The following INTS4 variants were observed in gnomAD, a reference collection of about 807,000 sequenced individuals.
INTS4 encodes MSTP093.
INTS4 carries 70 observed loss-of-function variants against 119.5 expected under a neutral mutation model. The ratio of observed to expected loss-of-function variants is 0.59; its 90% CI spans 0.48 to 0.71. The LOEUF is 0.71. Ranked by LOEUF, INTS4 falls within the 30% of genes least tolerant of loss-of-function variation. The pLI, the probability that INTS4 is intolerant of heterozygous loss-of-function variation, is 0.00. For synonymous variants in INTS4, 316 were observed against 419.6 expected (o/e 0.75, Z 3.02); for missense variants, 867 against 1,173.2 (o/e 0.74, Z 3.81).
chr11:77,984,578 A>G (rs1856380106), intron 2 of INTS4, among the ~76,000 whole-genome samples: 1 of 152,004 alleles, frequency 6.6e-6, no homozygotes, highest in African/African-American at 2.4e-5. Flanking sequence ...TAATGGGGAA[A>G]GAGTTTCAGT....
At chr11:77,977,475 AAAAGGAGC>A (rs1855998409) in intron 4 of INTS4, among the ~76,000 whole-genome samples, 1 of 151,966 alleles carries the variant, frequency 6.6e-6, no homozygotes, top group African/African-American at 2.4e-5. Context: ...ATGTTAGCAA[AAAAGGAGC>A]AAAATTATAT....
intron 9 of INTS4, among the ~76,000 whole-genome samples, chr11:77,939,514 C>T (rs1392268970): frequency 6.6e-6 from 1 of 152,050 alleles, no homozygotes; most frequent in Non-Finnish European, 1.5e-5. Context: ...ATTTCAGCTA[C>T]AGTACAGTCA....
chr11:77,882,354 T>C (rs1047473246), intron 22 of INTS4, among the ~76,000 whole-genome samples: 28 of 151,884 alleles, frequency 1.8e-4, no homozygotes, highest in African/African-American at 6.8e-4. Flanking sequence ...AGCTGAGTTC[T>C]AACTCTGGCC....
rs73501867 is a variant in INTS4 at position 77,985,727 on chromosome 11, A to G, written c.247-4151T>C. Among the ~76,000 whole-genome samples, 275 of 152,358 alleles carry G rather than the reference A, an allele frequency of 1.8e-3. 2 individuals are homozygous for G. Among genetic ancestry groups the G allele is most frequent in the Middle Eastern group, 6.8e-3 (2 of 294 alleles). ...GTATTCAGACATGCTGAGCAAATGA[A>G]AAAATAAGCAAATGGAAAACTTTAG... On this transcript the variant is annotated intron_variant, in intron 2 of 22. Coordinates refer to ENST00000534064, the MANE Select transcript of INTS4 (RefSeq NM_033547.4).
rs1294914067 is a variant in INTS4 at position 77,883,941 on chromosome 11, T to C, written c.2604A>G (p.Pro868=). ...QNTVKVQVLY[P]DGQAQMIHPK... ...GGTGAATCATCTGAGCCTGGCCATC[T>C]GGATATAAGACCTAAAGGGTGACAG... Residue 868 remains proline (P), a synonymous_variant, in exon 22 of 23, where the codon CCA becomes CCG. Coordinates refer to ENST00000534064, the MANE Select transcript of INTS4 (RefSeq NM_033547.4). The C allele has an allele frequency of 6.2e-7, 1 of 1,613,136 alleles. No individual in the cohort carries two copies. The highest frequency in any genetic ancestry group is 8.5e-7 in the Non-Finnish European group (1 of 1,179,566).
At chr11:77,944,007 G>A (rs1248398280) in intron 8 of INTS4, among the ~76,000 whole-genome samples, 1 of 152,170 alleles carries the variant, frequency 6.6e-6, no homozygotes, top group Non-Finnish European at 1.5e-5. Flanking sequence ...TAAGGTCAAT[G>A]ACTTCTTAAG....
intron 15 of INTS4, chr11:77,911,107 T>C (rs575713172): frequency 1.1e-5 from 14 of 1,276,384 alleles, no homozygotes; most frequent in South Asian, 1.0e-4. Context: ...AACGTTACGA[T>C]AGTTAACGAT....
chr11:77,941,991 C>T (rs1291912247), intron 8 of INTS4, among the ~76,000 whole-genome samples: 3 of 152,202 alleles, frequency 2.0e-5, no homozygotes, highest in Non-Finnish European at 4.4e-5. Flanking sequence ...TAAATCCAGG[C>T]TCCAAAATCC....
At chr11:77,942,192 C>T (rs1953943646) in intron 8 of INTS4, among the ~76,000 whole-genome samples, 1 of 152,136 alleles carries the variant, frequency 6.6e-6, no homozygotes, top group South Asian at 2.1e-4. Flanking sequence ...GTAAGGGAAA[C>T]TGACAAGAAA....
chr11:77,956,119 C>G (rs1954314895), intron 7 of INTS4, 57 bp from the exon 8 acceptor site: 7 of 1,540,974 alleles, frequency 4.5e-6, no homozygotes, highest in Non-Finnish European at 6.1e-6. Context: ...CCTAAGTCTG[C>G]AGGCTCAGGC....
chr11:77,883,973 GA>G, intron 21 of INTS4, 21 bp from the exon 22 acceptor site: 3 of 1,608,838 alleles, frequency 1.9e-6, no homozygotes, highest in Non-Finnish European at 1.7e-6. Context: ...ACAGAAATGA[GA>G]AAAAGGCAGA....
At chr11:77,969,438 T>A (rs1435579537) in intron 4 of INTS4, among the ~76,000 whole-genome samples, 1 of 152,158 alleles carries the variant, frequency 6.6e-6, no homozygotes, top group Non-Finnish European at 1.5e-5. Flanking sequence ...TGGAACGCAG[T>A]GATGTCATCA....
At chr11:77,974,769 T>C (rs1855880186) in intron 4 of INTS4, among the ~76,000 whole-genome samples, 1 of 151,930 alleles carries the variant, frequency 6.6e-6, no homozygotes, top group South Asian at 2.1e-4. Context: ...CCCGGCTAAT[T>C]TTTTTGTTTT....
At chr11:77,913,346 C>G (rs1565240265) in intron 15 of INTS4, among the ~76,000 whole-genome samples, 1 of 131,016 alleles carries the variant, frequency 7.6e-6, no homozygotes, top group Admixed American at 8.8e-5. Flanking sequence ...GAGTCTCACT[C>G]TGTCGCCCAG....
At chr11:77,939,235 T>C (rs968701965) in intron 9 of INTS4, among the ~76,000 whole-genome samples, 4 of 152,334 alleles carry the variant, frequency 2.6e-5, no homozygotes, top group African/African-American at 9.6e-5. Context: ...CCCAGCACTT[T>C]GGGAGGCCAA....
chr11:77,961,050 T>C lies in INTS4; in HGVS notation c.560A>G (p.Asp187Gly). The C allele has an allele frequency of 6.2e-7, 1 of 1,613,112 alleles. No individual in the cohort carries two copies. Among genetic ancestry groups the C allele is most frequent in the Non-Finnish European group, 8.5e-7 (1 of 1,179,848 alleles). ...LGSLEKSVTK[D>G]AEGLAARDVQ... ...ATCTCTGGCAGCTAGGCCTTCTGCA[T>C]CTTTTGTGACACTTTTCTCCAAAGA... Residue 187 changes from aspartate (D) to glycine (G), a missense_variant, in exon 5 of 23, where the codon GAT becomes GGT. By Grantham distance (94) the Asp-to-Gly change is moderately conservative (BLOSUM62 -1). Coordinates refer to ENST00000534064, the MANE Select transcript of INTS4 (RefSeq NM_033547.4).
At chr11:77,895,527 GAAAAAA>G (rs71046921) in intron 18 of INTS4, among the ~76,000 whole-genome samples, 6 of 39,260 alleles carry the variant, frequency 1.5e-4, no homozygotes, top group East Asian at 9.1e-4. Context: ...TTCTTTTCCT[GAAAAAA>G]AAAAAAAAAA....
chr11:77,952,257 T>C (rs975699568), intron 8 of INTS4, among the ~76,000 whole-genome samples: 2 of 152,218 alleles, frequency 1.3e-5, no homozygotes, highest in Admixed American at 1.3e-4. Flanking sequence ...AATGTGTAAC[T>C]GGATACTCAC....
intron 19 of INTS4, among the ~76,000 whole-genome samples, chr11:77,894,049 G>A (rs1952400607): frequency 6.6e-6 from 1 of 152,142 alleles, no homozygotes; most frequent in South Asian, 2.1e-4. Context: ...CTAAATGCAA[G>A]TGATTCCTGG....
Sources: allele counts gnomAD v4.1 joint callset (sites outside exome capture counted in the v4.1 genomes callset), GRCh38; gene constraint gnomAD v4.1.1; transcripts MANE v1.5; gene names NCBI Gene and HGNC (gene_info 2026-07-23, HGNC 2026-07-21).